FRMD3: variants seen among roughly 807,000 people sequenced by gnomAD.
The protein encoded by FRMD3 is FERM domain containing 3, also known as FERM domain-containing protein 3.
A neutral mutation model predicts 70.2 loss-of-function variants in FRMD3; 33 were observed. The ratio of observed to expected loss-of-function variants is 0.47; its 90% CI spans 0.36 to 0.63. FRMD3 has a LOEUF of 0.63. Among genes scored for constraint, FRMD3 ranks in the 20% least tolerant of loss-of-function variants. FRMD3 has a pLI of 0.00. For synonymous variants in FRMD3, 279 were observed against 255.9 expected, an observed-to-expected ratio of 1.09 and a Z score of -0.86; for missense variants, 632 against 711.4, an observed-to-expected ratio of 0.89 and a Z score of 1.27.
chr9:83,262,683 C>G (rs1287642202), intron 13 of FRMD3, among the ~76,000 whole-genome samples: 2 of 152,182 alleles, frequency 1.3e-5, no homozygotes, highest in Admixed American at 1.3e-4. Flanking sequence ...CCATATGTGT[C>G]ATGCTATGTC....
intron 1 of FRMD3, among the ~76,000 whole-genome samples, chr9:83,434,136 C>T (rs911636044): frequency 1.3e-5 from 2 of 152,176 alleles, no homozygotes; most frequent in Admixed American, 6.5e-5. Context: ...TGGCAGTTTG[C>T]TTAGTAAATA....
At chr9:83,523,460 T>G (rs1304742573) in intron 1 of FRMD3, among the ~76,000 whole-genome samples, 1 of 152,214 alleles carries the variant, frequency 6.6e-6, no homozygotes, top group East Asian at 1.9e-4. Context: ...TATTTTATAT[T>G]TAACAACTGC....
chr9:83,546,101 A>C, the FRMD3 span, among the ~76,000 whole-genome samples: 1 of 152,106 alleles, frequency 6.6e-6, no homozygotes, highest in South Asian at 2.1e-4. Flanking sequence ...TCACACCTGT[A>C]ATGCCAGCAG....
At chr9:83,545,558 C>T in the FRMD3 span, among the ~76,000 whole-genome samples, 1 of 151,798 alleles carries the variant, frequency 6.6e-6, no homozygotes, top group Non-Finnish European at 1.5e-5. Context: ...GGGGTTTCAC[C>T]GTGTTAGCCA....
At chr9:83,487,322 C>T (rs954959884) in intron 1 of FRMD3, among the ~76,000 whole-genome samples, 2 of 152,156 alleles carry the variant, frequency 1.3e-5, no homozygotes, top group African/African-American at 4.8e-5. Flanking sequence ...TTCCTGAAAA[C>T]CAAGAGTTTA....
At chr9:83,536,858 G>A (rs1829901835) in intron 1 of FRMD3, among the ~76,000 whole-genome samples, 1 of 149,248 alleles carries the variant, frequency 6.7e-6, no homozygotes. Context: ...CAGCCTAGAG[G>A]CTGATTCCTA....
intron 13 of FRMD3, among the ~76,000 whole-genome samples, chr9:83,287,723 G>C (rs1013877307): frequency 2.6e-5 from 4 of 152,186 alleles, no homozygotes; most frequent in African/African-American, 7.2e-5. Flanking sequence ...TTTTATGTCA[G>C]ACACTCCAAT....
intron 12 of FRMD3, among the ~76,000 whole-genome samples, chr9:83,297,316 C>T (rs997803957): frequency 6.6e-6 from 1 of 152,144 alleles, no homozygotes; most frequent in African/African-American, 2.4e-5. Context: ...ACCTCCACTA[C>T]CAGCTTCTAA....
intron 1 of FRMD3, among the ~76,000 whole-genome samples, chr9:83,395,848 C>T (rs890861651): frequency 6.6e-6 from 1 of 151,578 alleles, no homozygotes; most frequent in Non-Finnish European, 1.5e-5. Context: ...GCCTTTTAGA[C>T]ATTGGTTAAG....
At chr9:83,343,047 G>C (rs1387725806) in intron 5 of FRMD3, 143 bp downstream of exon 5, 1 of 667,282 alleles carries the variant, frequency 1.5e-6, no homozygotes, top group Non-Finnish European at 2.7e-6. Flanking sequence ...GTGAGTTGGG[G>C]TTCTGTTGCT....
At chr9:83,366,652 A>T (rs1235311894) in intron 3 of FRMD3, among the ~76,000 whole-genome samples, 2 of 152,232 alleles carry the variant, frequency 1.3e-5, no homozygotes, top group African/African-American at 4.8e-5. Context: ...GCTCTCAAAG[A>T]AAGAAGAAAA....
At chr9:83,333,009 G>C (rs1229098389) in intron 6 of FRMD3, among the ~76,000 whole-genome samples, 1 of 152,202 alleles carries the variant, frequency 6.6e-6, no homozygotes, top group Non-Finnish European at 1.5e-5. Context: ...ACCTGTGTAT[G>C]AAGGGGTGGT....
intron 1 of FRMD3, among the ~76,000 whole-genome samples, chr9:83,446,515 CGG>C (rs1554706560): frequency 6.6e-6 from 1 of 151,866 alleles, no homozygotes; most frequent in Non-Finnish European, 1.5e-5. Context: ...GGCGCGGTGG[CGG>C]GCGCCTGTAG....
chr9:83,520,919 GT>G (rs1281578041), intron 1 of FRMD3, among the ~76,000 whole-genome samples: 1 of 136,084 alleles, frequency 7.3e-6, no homozygotes, highest in Admixed American at 7.9e-5. Context: ...GAGATCAGGA[GT>G]TTGAGACCAG....
chr9:83,512,765 T>G (rs1829366681), intron 1 of FRMD3, among the ~76,000 whole-genome samples: 1 of 152,158 alleles, frequency 6.6e-6, no homozygotes, highest in African/African-American at 2.4e-5. Context: ...CTGGGAGGAA[T>G]CTTACACTTC....
intron 3 of FRMD3, among the ~76,000 whole-genome samples, chr9:83,364,759 T>G (rs1405931043): frequency 6.6e-6 from 1 of 152,252 alleles, no homozygotes; most frequent in East Asian, 1.9e-4. Context: ...CATATTTGGC[T>G]TTTGAGTACA....
Position 83,537,888 on chromosome 9 carries a change from C to A in FRMD3, c.147+197G>T, listed in dbSNP as rs957990962. Reference sequence around the variant, plus strand: ...CTGGGCGCGGATAACGCGTGCCTGGCGCTTGCAGGGCACCATGCCCCTCCA... The same window carrying A: ...CTGGGCGCGGATAACGCGTGCCTGGAGCTTGCAGGGCACCATGCCCCTCCA... On this transcript the variant is annotated intron_variant, in intron 1 of 13. Transcript: ENST00000304195. The surrounding 1 kb of genome is among the most constrained non-coding windows in gnomAD (Gnocchi z 4.1). Among the ~76,000 whole-genome samples, 3 of 151,840 alleles carry A rather than the reference C, an allele frequency of 2.0e-5. No homozygotes were observed. The highest frequency in any genetic ancestry group is 7.3e-5 in the African/African-American group (3 of 41,348).
intron 2 of FRMD3, among the ~76,000 whole-genome samples, chr9:83,379,576 A>G (rs1825293087): frequency 6.6e-6 from 1 of 152,180 alleles, no homozygotes; most frequent in African/African-American, 2.4e-5. Flanking sequence ...TTGATTCTAC[A>G]AAATGAACTA....
At chr9:83,416,374 C>T (rs1424622405) in intron 1 of FRMD3, among the ~76,000 whole-genome samples, 4 of 152,212 alleles carry the variant, frequency 2.6e-5, no homozygotes, top group Non-Finnish European at 5.9e-5. Flanking sequence ...TTACAAACCT[C>T]TCTGTATTAT....
Sources: gnomAD v4.1 joint callset for allele counts (sites outside exome capture counted in the v4.1 genomes callset) on GRCh38, gnomAD v4.1.1 for gene constraint, Gnocchi (gnomAD v3.1) non-coding constraint, MANE v1.5 for transcripts, NCBI Gene and HGNC (gene_info 2026-07-23, HGNC 2026-07-21) for gene names.